ACSL6: variants seen among roughly 807,000 people sequenced by gnomAD.
ACSL6 encodes the protein acyl-CoA synthetase long chain family member 6, also known as long-chain-fatty-acid--CoA ligase 6.
Under a neutral mutation model 98.2 loss-of-function variants are expected in ACSL6, and 47 were observed. The observed-to-expected ratio is 0.48, with a 90% CI of 0.38 to 0.61. The LOEUF is 0.61. Ranked by LOEUF, ACSL6 falls within the 20% of genes least tolerant of loss-of-function variation. The pLI is 0.00. For missense variants in ACSL6, 761 were observed against 913.4 expected (o/e 0.83, Z 2.15); for synonymous variants, 362 against 336.9 (o/e 1.07, Z -0.82).
intron 17 of ACSL6, among the ~76,000 whole-genome samples, chr5:131,963,069 C>A (rs930691994): frequency 2.0e-5 from 3 of 152,118 alleles, no homozygotes; most frequent in Non-Finnish European, 4.4e-5. Context: ...TTCTCACCAG[C>A]ATCTTTGGTT....
chr5:131,989,990 G>A, intron 4 of ACSL6, 110 bp downstream of exon 4: 1 of 1,186,010 alleles, frequency 8.4e-7, no homozygotes, highest in East Asian at 2.5e-5. Flanking sequence ...GACAGGCCAG[G>A]GAAATAAATG....
chr5:132,007,545 C>A (rs1033594221), intron 1 of ACSL6, among the ~76,000 whole-genome samples: 3 of 152,194 alleles, frequency 2.0e-5, no homozygotes, highest in African/African-American at 7.2e-5. Context: ...ACAGCTCTTA[C>A]AAGTTGCTTC....
intron 7 of ACSL6, among the ~76,000 whole-genome samples, chr5:131,987,144 C>A (rs565888283): frequency 6.6e-6 from 1 of 152,318 alleles, no homozygotes; most frequent in Non-Finnish European, 1.5e-5. Context: ...AAGCCTGAGG[C>A]TCCTGGGAGA....
At position 131,990,106 on chromosome 5, in the gene ACSL6, G is replaced by C; in HGVS notation, c.444C>G (p.Tyr148Ter). Residue 148 changes from tyrosine to a stop codon, truncating the protein, a stop_gained, in exon 4 of 21, where the codon TAC (tyrosine) becomes TAG (stop). Coordinates refer to ENST00000651883, the MANE Select transcript of ACSL6 (RefSeq NM_001009185.3). LOFTEE classifies it high-confidence loss of function. ...CCTGTCCTGTATCACTCACCTCCTGGTAGGACAGCCACTGGTAAGGCTGCT... is the reference window on the plus strand; with the variant it reads ...CCTGTCCTGTATCACTCACCTCCTGCTAGGACAGCCACTGGTAAGGCTGCT... ...KPKQPYQWLSYQEVADRAEFL... is the reference protein window; with the variant it reads ...KPKQPYQWLS The C allele has an allele frequency of 1.9e-6, 3 of 1,613,772 alleles. No individual in the cohort carries two copies. The highest frequency in any genetic ancestry group is 2.5e-6 in the Non-Finnish European group (3 of 1,179,952).
chr5:131,989,937 G>C (rs1051471257), intron 4 of ACSL6, among the ~76,000 whole-genome samples, 163 bp downstream of exon 4: 3 of 152,196 alleles, frequency 2.0e-5, no homozygotes, highest in Admixed American at 2.0e-4. Context: ...TTCCAACCCG[G>C]GTATGCTGGA....
At chr5:132,010,309 C>G (rs1755639270) in intron 1 of ACSL6, among the ~76,000 whole-genome samples, 1 of 152,216 alleles carries the variant, frequency 6.6e-6, no homozygotes, top group South Asian at 2.1e-4. Context: ...AGGCCTGATC[C>G]AGCCAAGCAC....
rs148729460 is a variant in ACSL6, at chr5:131,985,411, C to T, written c.912G>A (p.Thr304=). 3.6e-5 allele frequency: 58 copies of T among 1,613,906 alleles called. No homozygotes were observed. Among genetic ancestry groups the T allele is most frequent in the East Asian group, 8.9e-5 (4 of 44,886 alleles). ...GATCTGCGTGCCTCTGCTTACCTGT[C>T]GTGCCGCTTGTGAAACACACAATGG... ...DLSIVCFTSG[T]TGNPKGAMLT... Residue 304 remains threonine (T), a synonymous_variant, in exon 9 of 21, where the codon ACG becomes ACA. Transcript: ENST00000651883.
upstream of ACSL6, chr5:132,011,951 G>C (rs147319467): frequency 1.3e-6 from 2 of 1,542,558 alleles, no homozygotes; most frequent in Non-Finnish European, 1.7e-6. This position sits in a 1 kb window ranked among gnomAD's most constrained non-coding sequence, Gnocchi z 5.4. Context: ...GGGGGAGCAC[G>C]GGCGACGAGC....
At chr5:131,974,636 C>T (rs776255001) in intron 11 of ACSL6, 2 of 1,133,854 alleles carry the variant, frequency 1.8e-6, no homozygotes, top group South Asian at 1.4e-5. Context: ...CCCTCTGACC[C>T]CTATGGTACC....
At chr5:131,987,444 A>G (rs1754256452) in intron 7 of ACSL6, among the ~76,000 whole-genome samples, 1 of 139,906 alleles carries the variant, frequency 7.1e-6, no homozygotes, top group Non-Finnish European at 1.6e-5. Flanking sequence ...CATTACCAGT[A>G]GAGTGGGGAG....
intron 18 of ACSL6, 160 bp from the exon 19 acceptor site, chr5:131,960,781 A>T: frequency 1.8e-6 from 1 of 546,558 alleles, no homozygotes; most frequent in South Asian, 2.7e-5. Flanking sequence ...CCAATATATC[A>T]TACCATTCAT....
chr5:131,952,538 A>C lies in ACSL6; in HGVS notation c.*1696T>G, dbSNP rs890042161. The stretch of plus-strand genomic sequence containing the variant: ...TACAAACACTGAGCACATACATTTT[A>C]AATTAACACATGAATTGCATATGGA... On this transcript the variant is annotated 3_prime_UTR_variant, in exon 21 of 21. Coordinates refer to ENST00000651883, the MANE Select transcript of ACSL6 (RefSeq NM_001009185.3). 1.4e-5 allele frequency: 3 copies of C among 215,552 alleles called. No individual in the cohort carries two copies. Among genetic ancestry groups the C allele is most frequent in the African/African-American group, 6.8e-5 (3 of 44,380 alleles). The allele number at this position is 215,552 out of a possible 1,614,324, so 13.4% of individuals were successfully genotyped here.
In ACSL6 at chr5:131,988,169, T is replaced by C. The variant is rs147439105; in HGVS notation, c.710A>G (p.His237Arg). ...KPQKAVLLLE[H>R]VERKETPGLK... ...GCCTGGAGTCTCCTTCCTCTCCACA[T>C]GCTCTAGCAGAAGCACAGCCTTCTG... Residue 237 changes from histidine (H) to arginine (R), a missense_variant, in exon 7 of 21, where the codon CAT (histidine) becomes CGT (arginine). His to Arg is a conservative substitution (Grantham distance 29). Coordinates refer to ENST00000651883, the MANE Select transcript of ACSL6 (RefSeq NM_001009185.3). 12 of 1,614,060 alleles carry C rather than the reference T, an allele frequency of 7.4e-6. No homozygotes were observed. Among genetic ancestry groups the C allele is most frequent in the African/African-American group, 2.7e-5 (2 of 74,920 alleles).
At chr5:132,011,951 G>A (rs147319467), upstream of ACSL6, 3 of 1,542,556 alleles carry the variant, frequency 1.9e-6, no homozygotes, top group Non-Finnish European at 2.6e-6. The surrounding 1 kb of genome is among the most constrained non-coding windows in gnomAD (Gnocchi z 5.4). Flanking sequence ...GGGGGAGCAC[G>A]GGCGACGAGC....
Position 131,994,144 on chromosome 5 carries a change from T to C in ACSL6, c.157A>G (p.Thr53Ala), listed in dbSNP as rs778491946. 6.2e-7 allele frequency: 1 copy of C among 1,614,186 alleles called. No individual in the cohort carries two copies. The highest frequency in any genetic ancestry group is 8.5e-7 in the Non-Finnish European group (1 of 1,180,038). The change falls in exon 2 of 21, where the codon ACC (threonine) becomes GCC (alanine). Residue 53 changes from threonine to alanine, a missense_variant. Physicochemically the swap from Thr to Ala is moderately conservative, Grantham distance 58. Coordinates refer to ENST00000651883, the MANE Select transcript of ACSL6 (RefSeq NM_001009185.3). ...AGGGCACCCATACTCACGAGGGTGG[T>C]GGCCGAGAGGCTGCGGAAAAACTGT... is the stretch of plus-strand genomic sequence containing the variant. ...LGQFFRSLSATTLVSMGALAA... is the reference protein window; with the variant it reads ...LGQFFRSLSAATLVSMGALAA...
chr5:131,955,482 G>T (rs970361438), intron 20 of ACSL6, among the ~76,000 whole-genome samples: 2 of 152,164 alleles, frequency 1.3e-5, no homozygotes. Context: ...CAAGGGAGAC[G>T]TTTTTAAACC....
At position 131,966,515 on chromosome 5, in the gene ACSL6, T is replaced by G; in HGVS notation, c.1614A>C (p.Pro538=). Residue 538 remains proline (P), a synonymous_variant, in exon 17 of 21, where the codon CCA becomes CCC. Transcript: ENST00000651883. Reference sequence around the variant, plus strand: ...CTTTCAAGTAGCCTTTGAACACATTTGGTCCTCTCACACATATCTATGGGA... The same window carrying G: ...CTTTCAAGTAGCCTTTGAACACATTGGGTCCTCTCACACATATCTATGGGA... The part of the protein sequence containing the change: ...KGEGEICVRG[P]NVFKGYLKDP... 6.2e-7 allele frequency: 1 copy of G among 1,614,200 alleles called. No individual in the cohort carries two copies. The highest frequency in any genetic ancestry group is 8.5e-7 in the Non-Finnish European group (1 of 1,180,022).
At chr5:131,968,742 T>C (rs1343458879) in intron 15 of ACSL6, among the ~76,000 whole-genome samples, 2 of 151,706 alleles carry the variant, frequency 1.3e-5, no homozygotes, top group African/African-American at 4.8e-5. Context: ...GTTGGAGGAG[T>C]TTTAAGCAGA....
At chr5:131,960,318 G>A (rs551887345) in intron 19 of ACSL6, among the ~76,000 whole-genome samples, 2 of 152,262 alleles carry the variant, frequency 1.3e-5, no homozygotes, top group Middle Eastern at 3.4e-3. Flanking sequence ...CCAAACGTTT[G>A]TCAATCTTTC....
Sources: allele counts gnomAD v4.1 joint callset (sites outside exome capture counted in the v4.1 genomes callset), GRCh38; gene constraint gnomAD v4.1.1; non-coding constraint Gnocchi (gnomAD v3.1); transcripts MANE v1.5; gene names NCBI Gene and HGNC (gene_info 2026-07-23, HGNC 2026-07-21).